The following NCALD variants were observed in gnomAD, a reference collection of about 807,000 sequenced individuals.
NCALD encodes neurocalcin delta.
NCALD carries 10 observed loss-of-function variants against 18.6 expected under a neutral mutation model. The observed-to-expected ratio is 0.54, with a 90% confidence interval of 0.33 to 0.91. NCALD has a LOEUF of 0.91. NCALD is among the 40% of genes least tolerant of loss of function. The pLI is 0.03. For synonymous variants in NCALD, 88 were observed against 87.4 expected, an observed-to-expected ratio of 1.01 and a Z score of -0.04; for missense variants, 184 against 247.6, an observed-to-expected ratio of 0.74 and a Z score of 1.72.
rs1218410834 is a variant in NCALD, at chr8:101,786,843, G to C, written c.-20+4019C>G. Among the ~76,000 whole-genome samples the C allele has an allele frequency of 2.6e-5, 4 of 152,184 alleles. No homozygotes were observed. The East Asian group carries it at 5.8e-4, about 22-fold the overall frequency. On this transcript the variant is annotated intron_variant, in intron 1 of 3. Coordinates refer to ENST00000220931, the MANE Select transcript of NCALD (RefSeq NM_032041.3). The stretch of plus-strand genomic sequence containing the variant: ...CAAATATAAAACTGCATTGTGACCT[G>C]AGAATATTCTGGTTTACATTAATGT...
intron 4 of NCALD, among the ~76,000 whole-genome samples, chr8:101,861,358 G>A (rs571199324): frequency 1.3e-5 from 2 of 151,866 alleles, no homozygotes; most frequent in Non-Finnish European, 2.9e-5. Flanking sequence ...AGTCAGTGGC[G>A]TTTCTCAGCT....
At chr8:101,886,117 A>G (rs567355516) in intron 4 of NCALD, among the ~76,000 whole-genome samples, 1 of 152,350 alleles carries the variant, frequency 6.6e-6, no homozygotes, top group East Asian at 1.9e-4. Context: ...ACGTGACTTC[A>G]AATATTTCAT....
At chr8:101,847,622 T>C (rs1814922847) in intron 4 of NCALD, among the ~76,000 whole-genome samples, 1 of 152,186 alleles carries the variant, frequency 6.6e-6, no homozygotes, top group Non-Finnish European at 1.5e-5. Flanking sequence ...CCAATGAAAT[T>C]CTTAACTAAG....
At position 101,809,995 on chromosome 8, in the gene NCALD, G is replaced by A. The variant is rs78493663; in HGVS notation, c.-20+77146C>T. On this transcript the variant is annotated intron_variant, in intron 4 of 6. Coordinates refer to the NCALD transcript ENST00000311028. ...AAGAATGAGGAAGTAGGGCTGAGCA[G>A]AGTGATAAATGTAGATTCTTTCCAT... 8.4e-3 allele frequency among the ~76,000 whole-genome samples: 1,273 copies of A among 152,316 alleles called. 13 individuals carry two copies. Among genetic ancestry groups the A allele is most frequent in the Non-Finnish European group, 0.013 (885 of 68,036 alleles).
intron 1 of NCALD, among the ~76,000 whole-genome samples, chr8:102,110,304 A>C (rs1042837344): frequency 2.0e-5 from 3 of 152,230 alleles, no homozygotes; most frequent in African/African-American, 4.8e-5. Context: ...GAAGAGAAGA[A>C]ATGCAACTAG....
chr8:101,700,792 C>T (rs541438125), intron 2 of NCALD, among the ~76,000 whole-genome samples: 4 of 152,240 alleles, frequency 2.6e-5, no homozygotes, highest in Admixed American at 6.5e-5. Flanking sequence ...CACAGAGAAA[C>T]GAGAATCAGT....
intron 1 of NCALD, among the ~76,000 whole-genome samples, chr8:101,764,632 C>T (rs1019927350): frequency 2.6e-5 from 4 of 152,034 alleles, no homozygotes; most frequent in Admixed American, 6.5e-5. Context: ...AAAAAGAGGT[C>T]AAGAGAAAGT....
At chr8:101,854,762 A>G (rs990069136) in intron 4 of NCALD, among the ~76,000 whole-genome samples, 6 of 152,212 alleles carry the variant, frequency 3.9e-5, no homozygotes, top group African/African-American at 1.4e-4. Context: ...ATATAACATC[A>G]TATAGCTTTA....
At chr8:102,026,561 A>G (rs1822465123) in intron 1 of NCALD, among the ~76,000 whole-genome samples, 2 of 152,222 alleles carry the variant, frequency 1.3e-5, no homozygotes, top group African/African-American at 4.8e-5. Context: ...GGCCTTGGAC[A>G]GCTCCACATC....
chr8:101,887,215 AGATG>A (rs1252449356), exon 4 of NCALD: 1 of 152,210 alleles, frequency 6.6e-6, no homozygotes, highest in Admixed American at 6.5e-5. Flanking sequence ...CCAGGAGATC[AGATG>A]CCTTGCAACT....
chr8:101,706,329 A>G (rs1586255747), intron 2 of NCALD, among the ~76,000 whole-genome samples: 5 of 151,522 alleles, frequency 3.3e-5, no homozygotes, highest in Middle Eastern at 3.4e-3. Context: ...AAAAAAAAAA[A>G]GGGAGTGGTG....
chr8:101,816,715 T>C (rs1393500771), intron 4 of NCALD, among the ~76,000 whole-genome samples: 1 of 152,182 alleles, frequency 6.6e-6, no homozygotes, highest in Admixed American at 6.6e-5. Context: ...TACAATACTA[T>C]GATGGTGGAT....
At chr8:101,935,803 TTTA>T (rs1331059999) in intron 2 of NCALD, among the ~76,000 whole-genome samples, 16 of 148,134 alleles carry the variant, frequency 1.1e-4, no homozygotes, top group Admixed American at 6.0e-4. Context: ...TTTTTTTTTT[TTTA>T]AAGATGGAAG....
At chr8:101,798,831 G>A (rs755570553) in intron 4 of NCALD, among the ~76,000 whole-genome samples, 10 of 152,184 alleles carry the variant, frequency 6.6e-5, no homozygotes, top group Non-Finnish European at 1.5e-4. Context: ...GGAACAGAAT[G>A]GAGAACCCAA....
At chr8:102,099,042 G>A (rs189355103) in intron 1 of NCALD, among the ~76,000 whole-genome samples, 63 of 152,250 alleles carry the variant, frequency 4.1e-4, no homozygotes, top group South Asian at 8.3e-4. Flanking sequence ...CTGAGAATTC[G>A]GTCAACACAG....
chr8:101,887,632 T>A (rs542512443), intron 3 of NCALD, among the ~76,000 whole-genome samples: 2 of 150,030 alleles, frequency 1.3e-5, no homozygotes, highest in Admixed American at 1.3e-4. Flanking sequence ...TATACATATA[T>A]ATTAAATACA....
At chr8:101,784,627 A>G (rs112320026) in intron 1 of NCALD, among the ~76,000 whole-genome samples, 2 of 151,804 alleles carry the variant, frequency 1.3e-5, no homozygotes, top group African/African-American at 4.8e-5. Context: ...TGAGACCCCA[A>G]GTCTATAAAA....
At chr8:101,954,140 G>A (rs555706704) in intron 2 of NCALD, among the ~76,000 whole-genome samples, 16 of 152,304 alleles carry the variant, frequency 1.1e-4, no homozygotes, top group African/African-American at 1.7e-4. Context: ...GGTATGGGCC[G>A]TCCTATGGCA....
intron 2 of NCALD, among the ~76,000 whole-genome samples, chr8:101,924,606 T>C: frequency 6.6e-6 from 1 of 152,192 alleles, no homozygotes; most frequent in East Asian, 1.9e-4. Flanking sequence ...AAGCTAAATA[T>C]ACACACAACA....
Sources: gnomAD v4.1 joint callset for allele counts (sites outside exome capture counted in the v4.1 genomes callset) on GRCh38, gnomAD v4.1.1 for gene constraint, MANE v1.5 for transcripts, NCBI Gene and HGNC (gene_info 2026-07-23, HGNC 2026-07-21) for gene names.